Variants in IL12RB1 observed in about 807,000 individuals in gnomAD.
IL12RB1 encodes interleukin 12 receptor subunit beta 1, also known as interleukin-12 receptor subunit beta-1.
In IL12RB1, 64 loss-of-function variants were observed where a neutral mutation model predicts 94.4. The ratio of observed to expected loss-of-function variants is 0.68; its 90% CI spans 0.55 to 0.83. IL12RB1 has a LOEUF of 0.83. IL12RB1 is among the 40% of genes least tolerant of loss of function. The pLI, the probability that IL12RB1 is intolerant of heterozygous loss-of-function variation, is 0.00. For missense variants in IL12RB1, 814 were observed against 855.6 expected, an observed-to-expected ratio of 0.95 and a Z score of 0.61; for synonymous variants, 362 against 355.5, an observed-to-expected ratio of 1.02 and a Z score of -0.21.
chr19:18,063,596 C>A (rs952285437), intron 13 of IL12RB1, among the ~76,000 whole-genome samples: 5 of 152,208 alleles, frequency 3.3e-5, no homozygotes, highest in Admixed American at 2.6e-4. Flanking sequence ...GAGGAGGGAA[C>A]TTTTGAGCTG....
chr19:18,088,673 C>T (rs1205973953), upstream of IL12RB1, among the ~76,000 whole-genome samples: 1 of 151,960 alleles, frequency 6.6e-6, no homozygotes, highest in Non-Finnish European at 1.5e-5. Context: ...CCACTGTCGG[C>T]AAAGCCTCTA....
intron 12 of IL12RB1, 90 bp downstream of exon 12, chr19:18,066,452 C>A (rs577872814): frequency 1.8e-5 from 17 of 924,806 alleles, no homozygotes; most frequent in Non-Finnish European, 2.4e-5. Flanking sequence ...CAGAGAAGGA[C>A]GGCAAGGTGC....
At chr19:18,086,960 T>G (rs1465781845), upstream of IL12RB1, 3 of 1,536,122 alleles carry the variant, frequency 2.0e-6, no homozygotes, top group African/African-American at 2.8e-5. Context: ...AGAAAAAAAG[T>G]AAAGTGTCAC....
intron 1 of IL12RB1, among the ~76,000 whole-genome samples, chr19:18,084,701 A>ATCCATC (rs1568523051): frequency 6.6e-6 from 1 of 151,640 alleles, no homozygotes; most frequent in African/African-American, 2.4e-5. Context: ...ATCCATCCAT[A>ATCCATC]CATACATACA....
At chr19:18,066,478 AAG>A (rs2034589493) in intron 12 of IL12RB1, 62 bp downstream of exon 12, 4 of 1,196,670 alleles carry the variant, frequency 3.3e-6, no homozygotes, top group Non-Finnish European at 5.0e-6. Flanking sequence ...GTCACACAGC[AAG>A]AGAGATCACA....
chr19:18,087,155 C>T (rs2146511483), upstream of IL12RB1, among the ~76,000 whole-genome samples: 1 of 151,416 alleles, frequency 6.6e-6, no homozygotes, highest in African/African-American at 2.4e-5. Flanking sequence ...CCCATGGGCC[C>T]ATGGGCCACC....
chr19:18,079,085 T>A (rs1202398181), intron 4 of IL12RB1, among the ~76,000 whole-genome samples: 1 of 151,392 alleles, frequency 6.6e-6, no homozygotes, highest in East Asian at 2.0e-4. Flanking sequence ...TTTTTTGGTG[T>A]GTGGTGAGAA....
Position 18,068,536 on chromosome 19 carries a change from T to G in IL12RB1, c.1190-10A>C. 6.2e-7 allele frequency: 1 copy of G among 1,611,026 alleles called. No individual in the cohort carries two copies. The highest frequency in any genetic ancestry group is 8.5e-7 in the Non-Finnish European group (1 of 1,177,434). ...CTCCAGCTGTAGGTTGCTGGAAGGATAAGCAAAGGCCAGGCCATTCAGTAG... is the reference window on the plus strand; with the variant it reads ...CTCCAGCTGTAGGTTGCTGGAAGGAGAAGCAAAGGCCAGGCCATTCAGTAG... On this transcript the variant is annotated splice_polypyrimidine_tract_variant and intron_variant, in intron 10 of 16. Transcript: ENST00000593993.
At chr19:18,083,682 C>A (rs2036077098) in intron 1 of IL12RB1, among the ~76,000 whole-genome samples, 191 bp from the exon 2 acceptor site, 1 of 150,984 alleles carries the variant, frequency 6.6e-6, no homozygotes, top group African/African-American at 2.4e-5. Flanking sequence ...CCCATCCATC[C>A]ATGTATTTAT....
intron 1 of IL12RB1, among the ~76,000 whole-genome samples, chr19:18,094,066 A>C (rs552906819): frequency 1.2e-4 from 18 of 152,294 alleles, no homozygotes; most frequent in African/African-American, 4.3e-4. Flanking sequence ...ATAACATTTA[A>C]ATTAAATTCC....
upstream of IL12RB1, among the ~76,000 whole-genome samples, chr19:18,087,260 A>G (rs1354196191): frequency 6.9e-6 from 1 of 144,180 alleles, no homozygotes; most frequent in Non-Finnish European, 1.5e-5. Context: ...CCCGGGCTGG[A>G]GTGTGGTGGC....
At chr19:18,097,798 C>T (rs1599621004) in intron 1 of IL12RB1, 6 of 1,222,612 alleles carry the variant, frequency 4.9e-6, no homozygotes, top group South Asian at 4.1e-5. Flanking sequence ...GGGCCATGGA[C>T]GAGTCGAGCC....
At chr19:18,079,317 T>C (rs2146361511) in intron 4 of IL12RB1, among the ~76,000 whole-genome samples, 2 of 152,106 alleles carry the variant, frequency 1.3e-5, no homozygotes, top group Non-Finnish European at 2.9e-5. Context: ...TTGGTCAGGC[T>C]GGTCTCGAAC....
chr19:18,075,637 T>A, intron 7 of IL12RB1, 112 bp downstream of exon 7: 2 of 945,118 alleles, frequency 2.1e-6, no homozygotes, highest in Non-Finnish European at 3.5e-6. Context: ...CCTCAAGTGA[T>A]CCTCCCGCCT....
chr19:18,080,997 T>G lies in IL12RB1; in HGVS notation c.244A>C (p.Ser82Arg). ...GVSHFLRCCLSSGRCCYFAAG... is the reference protein window; with the variant it reads ...GVSHFLRCCLRSGRCCYFAAG... Reference sequence around the variant, plus strand: ...GCGAAGTAGCAGCAGCGCCCGGAGCTAAGGCTGCAGCAGGAAGGAGGGTGT... The same window carrying G: ...GCGAAGTAGCAGCAGCGCCCGGAGCGAAGGCTGCAGCAGGAAGGAGGGTGT... Residue 82 changes from serine to arginine, a missense_variant, in exon 4 of 17, where the codon AGC (serine) becomes CGC (arginine). Coordinates refer to ENST00000593993, the MANE Select transcript of IL12RB1 (RefSeq NM_005535.3). 6.2e-7 allele frequency: 1 copy of G among 1,611,580 alleles called. No homozygotes were observed. The highest frequency in any genetic ancestry group is 1.3e-5 in the African/African-American group (1 of 74,968).
At chr19:18,066,842 C>A (rs2146175801) in intron 11 of IL12RB1, 145 bp from the exon 12 acceptor site, 1 of 645,764 alleles carries the variant, frequency 1.5e-6, no homozygotes, top group South Asian at 1.7e-5. Context: ...GCCTGGCCAA[C>A]ATGGCAAAAC....
intron 8 of IL12RB1, 24 bp from the exon 9 acceptor site, chr19:18,072,373 T>C: frequency 6.8e-7 from 1 of 1,469,142 alleles, no homozygotes; most frequent in Non-Finnish European, 9.5e-7. Context: ...GAAAGACAGC[T>C]TGTGGGTACC....
chr19:18,072,033 C>T (rs1482790812), intron 9 of IL12RB1, 79 bp downstream of exon 9: 19 of 1,012,114 alleles, frequency 1.9e-5, no homozygotes, highest in Admixed American at 1.0e-4. Flanking sequence ...GCTCCTCTCA[C>T]CCTGGTCTAG....
At chr19:18,062,891 C>T (rs1166411641) in intron 13 of IL12RB1, among the ~76,000 whole-genome samples, 1 of 151,672 alleles carries the variant, frequency 6.6e-6, no homozygotes, top group African/African-American at 2.4e-5. Context: ...CTCTGGGTTC[C>T]AGTTGGTTCT....
Sources: allele counts gnomAD v4.1 joint callset (sites outside exome capture counted in the v4.1 genomes callset), GRCh38; gene constraint gnomAD v4.1.1; transcripts MANE v1.5; gene names NCBI Gene and HGNC (gene_info 2026-07-23, HGNC 2026-07-21).